The following CLYBL variants were observed in gnomAD, a reference collection of about 807,000 sequenced individuals.
CLYBL encodes the protein citramalyl-CoA lyase, mitochondrial.
CLYBL carries 31 observed loss-of-function variants against 38.9 expected under a neutral mutation model. The ratio of observed to expected loss-of-function variants is 0.80; its 90% CI spans 0.60 to 1.08. The LOEUF is 1.08. Ranked by LOEUF, CLYBL falls within the 50% of genes least tolerant of loss-of-function variation. CLYBL has a pLI of 0.00. For synonymous variants in CLYBL, 171 were observed against 158.6 expected (o/e 1.08, Z -0.59); for missense variants, 434 against 411.6 (o/e 1.05, Z -0.47).
intron 1 of CLYBL, among the ~76,000 whole-genome samples, chr13:99,749,046 C>G (rs1212470928): frequency 6.6e-6 from 1 of 151,888 alleles, no homozygotes; most frequent in Non-Finnish European, 1.5e-5. Context: ...AGTGTGGTGT[C>G]TGGTGCACCT....
intron 1 of CLYBL, among the ~76,000 whole-genome samples, chr13:99,699,342 G>A (rs1418599136): frequency 6.6e-6 from 1 of 151,958 alleles, no homozygotes; most frequent in African/African-American, 2.4e-5. Flanking sequence ...CTGAGATCGT[G>A]CCATTGCACT....
intron 2 of CLYBL, among the ~76,000 whole-genome samples, chr13:99,821,761 A>G (rs942724843): frequency 6.6e-6 from 1 of 152,220 alleles, no homozygotes; most frequent in Non-Finnish European, 1.5e-5. Context: ...TGGGAACAAC[A>G]TAGCACATCC....
At chr13:99,667,289 G>A (rs1445722990) in intron 1 of CLYBL, among the ~76,000 whole-genome samples, 2 of 152,044 alleles carry the variant, frequency 1.3e-5, no homozygotes, top group Admixed American at 6.6e-5. Flanking sequence ...TAAACAGAGT[G>A]GAAGAACATC....
At chr13:99,794,683 C>T (rs1222011821) in intron 2 of CLYBL, among the ~76,000 whole-genome samples, 1 of 151,546 alleles carries the variant, frequency 6.6e-6, no homozygotes, top group Non-Finnish European at 1.5e-5. Flanking sequence ...CCTCCACCGT[C>T]TGAGTTCAAC....
At chr13:99,868,974 A>G (rs865796274) in intron 6 of CLYBL, among the ~76,000 whole-genome samples, 2 of 152,316 alleles carry the variant, frequency 1.3e-5, no homozygotes, top group East Asian at 3.9e-4. Context: ...AAAGGATTTC[A>G]TGGTCATAAA....
intron 2 of CLYBL, among the ~76,000 whole-genome samples, chr13:99,831,966 T>A (rs1176950036): frequency 6.6e-6 from 1 of 152,248 alleles, no homozygotes; most frequent in Non-Finnish European, 1.5e-5. Context: ...TTTCTTGGCC[T>A]CTTCTCAGAG....
intron 2 of CLYBL, among the ~76,000 whole-genome samples, chr13:99,839,288 A>G (rs2051011232): frequency 6.6e-6 from 1 of 152,334 alleles, no homozygotes; most frequent in East Asian, 1.9e-4. Context: ...AGAGACAATG[A>G]TCAGAACTAG....
At chr13:99,606,882 C>T (rs1288682318) in intron 1 of CLYBL, 125 bp downstream of exon 1, 29 of 1,264,986 alleles carry the variant, frequency 2.3e-5, no homozygotes, top group Non-Finnish European at 2.8e-5. Context: ...GACGGAAGCA[C>T]CATGCGCCTC....
intron 1 of CLYBL, among the ~76,000 whole-genome samples, chr13:99,723,780 C>T (rs1341821307): frequency 6.6e-6 from 1 of 152,116 alleles, no homozygotes; most frequent in Non-Finnish European, 1.5e-5. Flanking sequence ...AAGTAAGAAA[C>T]AGAGGTGACA....
intron 2 of CLYBL, among the ~76,000 whole-genome samples, chr13:99,842,356 G>A (rs2051103453): frequency 2.0e-5 from 3 of 152,130 alleles, no homozygotes; most frequent in African/African-American, 7.2e-5. Flanking sequence ...AGAAGGGTGG[G>A]GGAAAGGTGA....
At chr13:99,848,440 A>G (rs1381130868) in intron 2 of CLYBL, among the ~76,000 whole-genome samples, 1 of 152,226 alleles carries the variant, frequency 6.6e-6, no homozygotes, top group African/African-American at 2.4e-5. Flanking sequence ...CCAGACCAGC[A>G]TCATCAGGCA....
Position 99,670,131 on chromosome 13 carries a change from G to A in CLYBL, c.62+63374G>A, listed in dbSNP as rs147488164. 4.3e-3 allele frequency among the ~76,000 whole-genome samples: 660 copies of A among 152,194 alleles called. 3 individuals carry two copies. Among genetic ancestry groups the A allele is most frequent in the African/African-American group, 0.015 (624 of 41,510 alleles). Reference sequence around the variant, plus strand: ...TGAGAATTGCTTGAACCTGGGAGGCGGAGGTTGCAGTGAGCTAAGATCGTG... The same window carrying A: ...TGAGAATTGCTTGAACCTGGGAGGCAGAGGTTGCAGTGAGCTAAGATCGTG... On this transcript the variant is annotated intron_variant, in intron 1 of 8. Transcript: ENST00000339105.
At chr13:99,857,909 G>A (rs542046592) in intron 2 of CLYBL, among the ~76,000 whole-genome samples, 2 of 152,140 alleles carry the variant, frequency 1.3e-5, no homozygotes, top group Admixed American at 1.3e-4. Context: ...CTTTTGATAA[G>A]TGTTCATTCT....
intron 1 of CLYBL, among the ~76,000 whole-genome samples, chr13:99,673,241 T>G (rs2047593575): frequency 6.6e-6 from 1 of 152,004 alleles, no homozygotes; most frequent in South Asian, 2.1e-4. Flanking sequence ...GGTGAAACCC[T>G]GTTTCTATTA....
chr13:99,687,909 C>T (rs1405825832), intron 1 of CLYBL, among the ~76,000 whole-genome samples: 1 of 152,188 alleles, frequency 6.6e-6, no homozygotes, highest in African/African-American at 2.4e-5. Flanking sequence ...TACCACCAGA[C>T]TACTTGATCA....
chr13:99,746,726 A>G (rs2048857786), intron 1 of CLYBL, among the ~76,000 whole-genome samples: 1 of 152,214 alleles, frequency 6.6e-6, no homozygotes, highest in Non-Finnish European at 1.5e-5. Flanking sequence ...ATTACAATTT[A>G]CCAAATCCTC....
At position 99,869,575 on chromosome 13, in the gene CLYBL, G is replaced by C. The variant is rs1040759678; in HGVS notation, c.803-1363G>C. ...TATTAGTATGCTGACAGAAAAGAATGAAATAGCAATGTGAGGATGTTTTAA... is the reference window on the plus strand; with the variant it reads ...TATTAGTATGCTGACAGAAAAGAATCAAATAGCAATGTGAGGATGTTTTAA... On this transcript the variant is annotated intron_variant, in intron 6 of 8. Coordinates refer to ENST00000339105, the MANE Select transcript of CLYBL (RefSeq NM_206808.5). This position sits in a 1 kb window ranked among gnomAD's most constrained non-coding sequence, Gnocchi z 4.3. 6.6e-6 allele frequency among the ~76,000 whole-genome samples: 1 copy of C among 152,052 alleles called. No individual in the cohort carries two copies.
intron 1 of CLYBL, among the ~76,000 whole-genome samples, chr13:99,647,208 A>G (rs912436836): frequency 6.6e-6 from 1 of 152,228 alleles, no homozygotes; most frequent in African/African-American, 2.4e-5. Context: ...TAAAAACAAA[A>G]CAAACAAAAA....
chr13:99,642,273 C>A (rs781398122), intron 1 of CLYBL, among the ~76,000 whole-genome samples: 1 of 152,130 alleles, frequency 6.6e-6, no homozygotes, highest in Non-Finnish European at 1.5e-5. Flanking sequence ...GTGAGGGTGA[C>A]CCTGGGCACC....
Sources: gnomAD v4.1 joint callset for allele counts (sites outside exome capture counted in the v4.1 genomes callset) on GRCh38, gnomAD v4.1.1 for gene constraint, Gnocchi (gnomAD v3.1) non-coding constraint, MANE v1.5 for transcripts, NCBI Gene and HGNC (gene_info 2026-07-23, HGNC 2026-07-21) for gene names.